Variants in FRAS1 observed in about 807,000 individuals in gnomAD.
The protein encoded by FRAS1 is extracellular matrix organizing protein FRAS1.
In FRAS1, 290 loss-of-function variants were observed where a neutral mutation model predicts 435.2. The observed-to-expected ratio is 0.67, with a 90% CI of 0.61 to 0.73. The LOEUF (loss-of-function observed/expected upper bound fraction) is 0.73, where lower values mean the gene tolerates loss of function less well. Among genes scored for constraint, FRAS1 ranks in the 30% least tolerant of loss-of-function variants. The pLI is 0.00. For synonymous variants in FRAS1, 1,800 were observed against 1,851.0 expected (o/e 0.97, Z 0.71); for missense variants, 4,860 against 5,001.5 (o/e 0.97, Z 0.85).
chr4:78,238,012 C>G (rs1724835533), intron 3 of FRAS1, among the ~76,000 whole-genome samples: 1 of 152,166 alleles, frequency 6.6e-6, no homozygotes, highest in Non-Finnish European at 1.5e-5. Context: ...GAGATTTTAC[C>G]TGAAGTCTGA....
intron 70 of FRAS1, among the ~76,000 whole-genome samples, chr4:78,531,118 A>G (rs926224906): frequency 6.6e-6 from 1 of 152,124 alleles, no homozygotes; most frequent in Non-Finnish European, 1.5e-5. Context: ...ATGGGAGTTC[A>G]CTCATGATTT....
intron 2 of FRAS1, among the ~76,000 whole-genome samples, chr4:78,086,963 A>T (rs1210073445): frequency 1.3e-5 from 2 of 152,174 alleles, no homozygotes; most frequent in Non-Finnish European, 2.9e-5. Flanking sequence ...TGGCAGAGAC[A>T]CAACCAAAAA....
chr4:78,237,690 A>G (rs1392180421), intron 3 of FRAS1, 73 bp downstream of exon 3: 5 of 680,194 alleles, frequency 7.4e-6, no homozygotes, highest in African/African-American at 3.6e-5. Flanking sequence ...ATCATTTCAG[A>G]CATCTGTTTT....
At chr4:78,445,856 A>G in intron 42 of FRAS1, 144 bp downstream of exon 42, 1 of 1,390,914 alleles carries the variant, frequency 7.2e-7, no homozygotes, top group East Asian at 2.5e-5. Flanking sequence ...TATAGCCTTC[A>G]GGAATCTTGT....
rs1560432061 is a variant in FRAS1, at chr4:78,539,289, C to A, written c.11299-5C>A. The stretch of plus-strand genomic sequence containing the variant: ...ATCTTGCATTTCTTTTTTCTGAAAT[C>A]CTAGGACCGCAATCAGCCAGAGGTA... On this transcript the variant is annotated splice_region_variant and splice_polypyrimidine_tract_variant and intron_variant, in intron 72 of 73. Transcript: ENST00000512123. 2 of 1,598,420 alleles carry A rather than the reference C, an allele frequency of 1.3e-6. No individual in the cohort carries two copies. Among genetic ancestry groups the A allele is most frequent in the East Asian group, 4.5e-5 (2 of 44,504 alleles).
chr4:78,220,067 T>C (rs777292658), intron 2 of FRAS1, among the ~76,000 whole-genome samples: 12 of 152,210 alleles, frequency 7.9e-5, no homozygotes, highest in Admixed American at 2.0e-4. Flanking sequence ...TTGGAGTAGA[T>C]GATTAACTCT....
At chr4:78,401,961 A>G (rs757983980) in intron 30 of FRAS1, among the ~76,000 whole-genome samples, 3 of 152,050 alleles carry the variant, frequency 2.0e-5, no homozygotes, top group Non-Finnish European at 4.4e-5. Context: ...AATGAAGCTC[A>G]GAATTTAAAA....
At chr4:78,241,972 G>C (rs927188729) in intron 3 of FRAS1, among the ~76,000 whole-genome samples, 15 of 152,110 alleles carry the variant, frequency 9.9e-5, no homozygotes, top group African/African-American at 3.4e-4. Context: ...GTGGATGAAG[G>C]CAACATAGGA....
intron 58 of FRAS1, among the ~76,000 whole-genome samples, chr4:78,487,579 A>C (rs1447300488): frequency 1.3e-5 from 2 of 152,228 alleles, no homozygotes. Flanking sequence ...AATAACCAGC[A>C]GTCAACAAAA....
chr4:78,152,576 G>GTTTT (rs1720711401), intron 2 of FRAS1, among the ~76,000 whole-genome samples: 1 of 103,930 alleles, frequency 9.6e-6, no homozygotes, highest in Non-Finnish European at 2.1e-5. Flanking sequence ...CTTTTGCACT[G>GTTTT]TTTTGTGTGT....
intron 61 of FRAS1, among the ~76,000 whole-genome samples, chr4:78,505,727 C>A (rs945033462): frequency 4.0e-5 from 6 of 149,956 alleles, no homozygotes; most frequent in African/African-American, 1.5e-4. Flanking sequence ...AAGCCTACTT[C>A]TGTCAACTCG....
Position 78,387,626 on chromosome 4 carries a change from C to T in FRAS1, c.3900C>T (p.Ser1300=), listed in dbSNP as rs10002465. The T allele has an allele frequency of 4.6e-5, 74 of 1,609,572 alleles. No homozygotes were observed. In the African/African-American group the frequency reaches 7.9e-4, roughly 17 times the overall value. Residue 1300 remains serine (S), a synonymous_variant, in exon 29 of 74, where the codon TCC becomes TCT. Coordinates refer to ENST00000512123, the MANE Select transcript of FRAS1 (RefSeq NM_025074.7). ...HYAHDGSDST[S]DVAVLQANDG... ...CTCATGATGGTTCAGACAGCACATC[C>T]GATGTTGCAGTCTTGCAGGCCAATG...
chr4:78,150,212 A>G (rs1720587773), intron 2 of FRAS1, among the ~76,000 whole-genome samples: 1 of 152,208 alleles, frequency 6.6e-6, no homozygotes, highest in Admixed American at 6.5e-5. Flanking sequence ...CCCAAAGGAA[A>G]TTGAAATGTC....
intron 3 of FRAS1, 25 bp from the exon 4 acceptor site, chr4:78,245,208 C>T: frequency 6.5e-7 from 1 of 1,545,254 alleles, no homozygotes; most frequent in Non-Finnish European, 8.9e-7. Flanking sequence ...TGCTGTTTTA[C>T]TTTGAGCTGC....
chr4:78,323,682 AAC>A (rs1369867745), intron 18 of FRAS1, among the ~76,000 whole-genome samples: 1 of 152,146 alleles, frequency 6.6e-6, no homozygotes, highest in African/African-American at 2.4e-5. Context: ...CACTAGTGAC[AAC>A]CAGTGTGGCA....
intron 64 of FRAS1, 168 bp downstream of exon 64, chr4:78,511,674 CT>C (rs1292834681): frequency 3.0e-6 from 2 of 675,978 alleles, no homozygotes; most frequent in African/African-American, 1.8e-5. Context: ...CTCGGGCCCC[CT>C]GCCTATCTTC....
rs150079870 is a variant in FRAS1 at position 78,491,791 on chromosome 4, G to T, written c.8958+2711G>T. Among the ~76,000 whole-genome samples, 10 of 152,298 alleles carry T rather than the reference G, an allele frequency of 6.6e-5. No individual in the cohort carries two copies. The East Asian group carries it at 1.7e-3, about 26-fold the overall frequency. On this transcript the variant is annotated intron_variant, in intron 59 of 73. Transcript: ENST00000512123. ...ACTCCTGTTCAACATAGTATTAAAC[G>T]TTCTGGCTAGGGCAAACAGGCAAGA...
chr4:78,256,968 T>A (rs1725825718), intron 6 of FRAS1, among the ~76,000 whole-genome samples: 1 of 152,128 alleles, frequency 6.6e-6, no homozygotes, highest in Admixed American at 6.6e-5. Flanking sequence ...AGGGGTGCTA[T>A]CAAATTAGCG....
chr4:78,510,480 G>A (rs1439591016), intron 63 of FRAS1, among the ~76,000 whole-genome samples: 1 of 152,096 alleles, frequency 6.6e-6, no homozygotes, highest in Non-Finnish European at 1.5e-5. Flanking sequence ...AGTTTTTAAT[G>A]GACTTCAGTG....
Sources: gnomAD v4.1 joint callset for allele counts (sites outside exome capture counted in the v4.1 genomes callset) on GRCh38, gnomAD v4.1.1 for gene constraint, MANE v1.5 for transcripts, NCBI Gene and HGNC (gene_info 2026-07-23, HGNC 2026-07-21) for gene names.